Variants in FAT3 observed in about 807,000 individuals in gnomAD.
The protein encoded by FAT3 is protocadherin Fat 3.
FAT3 carries 95 observed loss-of-function variants against 310.2 expected under a neutral mutation model. The observed-to-expected ratio is 0.31, with a 90% CI of 0.26 to 0.36. FAT3 has a LOEUF of 0.36. Ranked by LOEUF, FAT3 falls within the 10% of genes least tolerant of loss-of-function variation. FAT3 has a pLI of 1.00. For synonymous variants in FAT3, 2,314 were observed against 2,192.9 expected (o/e 1.06, Z -1.54); for missense variants, 5,408 against 5,715.6 (o/e 0.95, Z 1.74).
chr11:92,706,986 C>T (rs1185159632), intron 4 of FAT3, among the ~76,000 whole-genome samples: 4 of 152,198 alleles, frequency 2.6e-5, no homozygotes, highest in Non-Finnish European at 4.4e-5. Context: ...TGTCATCTGG[C>T]AGTAGCTCTT....
chr11:92,617,210 G>A (rs534937320), intron 3 of FAT3, among the ~76,000 whole-genome samples: 22 of 151,966 alleles, frequency 1.4e-4, no homozygotes, highest in African/African-American at 4.6e-4. Context: ...TTCTCTTCTC[G>A]TTTCATTTCA....
chr11:92,887,322 G>A (rs1949819108), intron 25 of FAT3, among the ~76,000 whole-genome samples: 1 of 152,228 alleles, frequency 6.6e-6, no homozygotes, highest in South Asian at 2.1e-4. Context: ...CAGGCCCAGA[G>A]ATCTGTATCA....
intron 2 of FAT3, among the ~76,000 whole-genome samples, chr11:92,392,365 G>T (rs769016191): frequency 6.6e-6 from 1 of 152,080 alleles, no homozygotes; most frequent in Non-Finnish European, 1.5e-5. Context: ...CTATTTTCAT[G>T]TTTAAGAGAT....
rs76949785 is a variant in FAT3 at position 92,831,501 on chromosome 11, T to A, written c.9482-121T>A. ...ACATTTTTGTAGAGCCACAGCTGTCTGTTTCTGTAATAACTATTTTTCTTG... is the reference window on the plus strand; with the variant it reads ...ACATTTTTGTAGAGCCACAGCTGTCAGTTTCTGTAATAACTATTTTTCTTG... On this transcript the variant is annotated intron_variant, in intron 13 of 27. Coordinates refer to ENST00000525166, the MANE Select transcript of FAT3 (RefSeq NM_001367949.2). The A allele has an allele frequency of 5.3e-5, 42 of 798,744 alleles. No homozygotes were observed. In the African/African-American group the frequency reaches 5.5e-4, roughly 10 times the overall value. 49.5% of individuals were successfully genotyped at this position (798,744 alleles called of 1,614,324 possible).
chr11:92,646,601 C>T (rs538137956), intron 3 of FAT3, among the ~76,000 whole-genome samples: 3 of 152,278 alleles, frequency 2.0e-5, no homozygotes, highest in East Asian at 1.9e-4. Context: ...CACTAAGTTC[C>T]GTATGCAGAA....
chr11:92,608,871 G>A (rs1214662722), intron 3 of FAT3, among the ~76,000 whole-genome samples: 2 of 152,164 alleles, frequency 1.3e-5, no homozygotes, highest in Admixed American at 6.5e-5. Flanking sequence ...TCCCTTTGCA[G>A]GGGCCTGCTG....
intron 2 of FAT3, among the ~76,000 whole-genome samples, chr11:92,431,042 G>A (rs1950759697): frequency 6.6e-6 from 1 of 152,068 alleles, no homozygotes; most frequent in African/African-American, 2.4e-5. Flanking sequence ...GGGATTGCTG[G>A]GTCAAATGTT....
intron 2 of FAT3, among the ~76,000 whole-genome samples, chr11:92,492,958 G>C (rs1020906546): frequency 5.3e-5 from 8 of 152,052 alleles, no homozygotes; most frequent in African/African-American, 1.9e-4. Flanking sequence ...AATAAGAGGA[G>C]TTAACAGAGT....
chr11:92,671,553 G>A (rs1943128493), intron 3 of FAT3, among the ~76,000 whole-genome samples: 1 of 151,946 alleles, frequency 6.6e-6, no homozygotes, highest in Admixed American at 6.6e-5. Context: ...TTGATCAAAT[G>A]GGCCTTCCCT....
At chr11:92,369,232 G>A (rs1021170547) in intron 2 of FAT3, among the ~76,000 whole-genome samples, 6 of 152,190 alleles carry the variant, frequency 3.9e-5, no homozygotes, top group Admixed American at 1.3e-4. Context: ...GGGCTTGGAA[G>A]TGTTGGCTTT....
At chr11:92,453,755 T>C (rs1951424549) in intron 2 of FAT3, among the ~76,000 whole-genome samples, 2 of 152,180 alleles carry the variant, frequency 1.3e-5, no homozygotes, top group Non-Finnish European at 2.9e-5. Context: ...AAGTAACAAC[T>C]GTTAATTGTC....
At chr11:92,448,562 G>A (rs1053120468) in intron 2 of FAT3, among the ~76,000 whole-genome samples, 3 of 152,180 alleles carry the variant, frequency 2.0e-5, no homozygotes, top group African/African-American at 7.2e-5. Flanking sequence ...GGCAGAGAAC[G>A]AAAACATTTC....
chr11:92,735,773 A>G (rs926873552), intron 4 of FAT3, among the ~76,000 whole-genome samples: 1 of 151,548 alleles, frequency 6.6e-6, no homozygotes, highest in Non-Finnish European at 1.5e-5. Context: ...TTTAGAAGAC[A>G]TAGGTGGAGG....
At chr11:92,389,048 C>T (rs192496629) in intron 2 of FAT3, among the ~76,000 whole-genome samples, 135 of 152,294 alleles carry the variant, frequency 8.9e-4, no homozygotes, top group South Asian at 2.7e-3. Context: ...CTCTCCATCC[C>T]CTGCCATACC....
intron 7 of FAT3, 73 bp from the exon 8 acceptor site, chr11:92,789,870 G>A (rs1026023045): frequency 2.0e-6 from 3 of 1,511,306 alleles, no homozygotes; most frequent in Non-Finnish European, 2.7e-6. Context: ...GGGAGAAAAA[G>A]AGGGAGGGCA....
chr11:92,534,808 T>A (rs567263934), intron 3 of FAT3, among the ~76,000 whole-genome samples: 1 of 152,246 alleles, frequency 6.6e-6, no homozygotes, highest in African/African-American at 2.4e-5. Context: ...GAGAAAAACA[T>A]ACAAATGTAT....
chr11:92,765,630 C>T (rs1027508890), intron 6 of FAT3, among the ~76,000 whole-genome samples: 11 of 151,804 alleles, frequency 7.2e-5, no homozygotes, highest in African/African-American at 1.2e-4. Flanking sequence ...CTGCCTTTTA[C>T]GGTTTTTTTT....
intron 4 of FAT3, among the ~76,000 whole-genome samples, chr11:92,734,353 G>T (rs1468129978): frequency 6.6e-6 from 1 of 152,164 alleles, no homozygotes; most frequent in South Asian, 2.1e-4. Flanking sequence ...TTTGTTCCAA[G>T]TCCAGCAAAC....
intron 3 of FAT3, among the ~76,000 whole-genome samples, chr11:92,633,358 T>C (rs1941630218): frequency 1.3e-5 from 2 of 152,194 alleles, no homozygotes; most frequent in African/African-American, 4.8e-5. Flanking sequence ...GTGATGGTTA[T>C]GTCTTCCAGG....
Sources: gnomAD v4.1 joint callset for allele counts (sites outside exome capture counted in the v4.1 genomes callset) on GRCh38, gnomAD v4.1.1 for gene constraint, MANE v1.5 for transcripts, NCBI Gene and HGNC (gene_info 2026-07-23, HGNC 2026-07-21) for gene names.